Variants in SAMD12 observed in about 807,000 individuals in gnomAD.
The protein encoded by SAMD12 is sterile alpha motif domain-containing protein 12.
In SAMD12, 9 loss-of-function variants were observed where a neutral mutation model predicts 15.0. That is an observed-to-expected ratio of 0.60 (90% CI 0.36 to 1.05). The LOEUF is 1.05. Among genes scored for constraint, SAMD12 ranks in the 50% least tolerant of loss-of-function variants. SAMD12 has a pLI of 0.01. For synonymous variants in SAMD12, 86 were observed against 90.1 expected, an observed-to-expected ratio of 0.96 and a Z score of 0.25; for missense variants, 230 against 234.2, an observed-to-expected ratio of 0.98 and a Z score of 0.12.
intron 3 of SAMD12, among the ~76,000 whole-genome samples, chr8:118,396,788 G>A (rs1176455562): frequency 1.3e-5 from 2 of 152,198 alleles, no homozygotes; most frequent in African/African-American, 4.8e-5. Flanking sequence ...GATTTTTAAA[G>A]TACAGAAACC....
chr8:118,334,476 TC>T (rs1383811829), intron 4 of SAMD12, among the ~76,000 whole-genome samples: 1 of 152,072 alleles, frequency 6.6e-6, no homozygotes, highest in Non-Finnish European at 1.5e-5. Flanking sequence ...TCCCATTCCT[TC>T]CCCCTCTCCT....
chr8:118,169,732 G>GA, the SAMD12 span, among the ~76,000 whole-genome samples: 1 of 151,988 alleles, frequency 6.6e-6, no homozygotes, highest in East Asian at 1.9e-4. Flanking sequence ...TAACGTAATT[G>GA]AAAAATAAAA....
intron 2 of SAMD12, among the ~76,000 whole-genome samples, chr8:118,534,937 C>T (rs1432776266): frequency 6.6e-6 from 1 of 152,212 alleles, no homozygotes; most frequent in African/African-American, 2.4e-5. Flanking sequence ...ATTCTGAAGC[C>T]TTCTTCTCTT....
At chr8:118,549,853 G>C (rs200485183) in intron 2 of SAMD12, among the ~76,000 whole-genome samples, 1 of 152,284 alleles carries the variant, frequency 6.6e-6, no homozygotes, top group African/African-American at 2.4e-5. Context: ...GGAGCTGAAA[G>C]CCAAGGCTCC....
At chr8:118,410,145 T>C (rs1464164522) in intron 3 of SAMD12, among the ~76,000 whole-genome samples, 1 of 152,168 alleles carries the variant, frequency 6.6e-6, no homozygotes, top group African/African-American at 2.4e-5. Context: ...TGATAAAGAG[T>C]ATATCTAAGG....
intron 2 of SAMD12, among the ~76,000 whole-genome samples, chr8:118,499,446 C>T (rs1824715610): frequency 6.6e-6 from 1 of 152,152 alleles, no homozygotes; most frequent in Non-Finnish European, 1.5e-5. Context: ...TTTCCAGCTC[C>T]AAGACTTATT....
chr8:118,177,068 G>A, the SAMD12 span, among the ~76,000 whole-genome samples: 1 of 152,146 alleles, frequency 6.6e-6, no homozygotes, highest in African/African-American at 2.4e-5. Flanking sequence ...TCCCAAGATG[G>A]GAATGAGTGG....
At chr8:118,462,556 A>G (rs1823455508) in intron 2 of SAMD12, among the ~76,000 whole-genome samples, 1 of 152,120 alleles carries the variant, frequency 6.6e-6, no homozygotes, top group East Asian at 1.9e-4. Flanking sequence ...GTCTGTTCAT[A>G]TATCCATCCA....
chr8:118,330,620 C>A (rs1816765416), intron 4 of SAMD12, among the ~76,000 whole-genome samples: 1 of 152,136 alleles, frequency 6.6e-6, no homozygotes, highest in Non-Finnish European at 1.5e-5. Flanking sequence ...AAACCACAAA[C>A]TTGCTGAAAG....
intron 4 of SAMD12, among the ~76,000 whole-genome samples, chr8:118,351,818 G>C (rs1466296397): frequency 6.6e-6 from 1 of 152,172 alleles, no homozygotes; most frequent in Admixed American, 6.5e-5. Context: ...AGTAGACTGA[G>C]AGAAAAGCAG....
chr8:118,594,974 A>G (rs776513401), intron 1 of SAMD12, among the ~76,000 whole-genome samples: 24 of 152,308 alleles, frequency 1.6e-4, no homozygotes, highest in Non-Finnish European at 2.8e-4. Flanking sequence ...AGTCACTACC[A>G]TAAAGTTAGA....
Position 118,457,217 on chromosome 8 carries a change from T to G in SAMD12, c.193-17256A>C, listed in dbSNP as rs543224104. ...CCACTACTGCTACTAACTCTCTCTC[T>G]CTCTCTTTTTTTTTTTTTTTGTTTG... On this transcript the variant is annotated intron_variant, in intron 2 of 3. Coordinates refer to ENST00000314727, the MANE Select transcript of SAMD12 (RefSeq NM_207506.3). Among the ~76,000 whole-genome samples the G allele has an allele frequency of 8.2e-3, 881 of 107,520 alleles. 6 individuals carry two copies. Among genetic ancestry groups the G allele is most frequent in the African/African-American group, 0.021 (740 of 35,066 alleles). The allele number at this position is 107,520 out of a possible 152,430, so 70.5% of individuals were successfully genotyped here. A position where few individuals can be genotyped will look rare whatever the true frequency, so the allele number is the denominator to read the frequency against.
At chr8:118,275,883 T>G (rs777840908) in intron 4 of SAMD12, among the ~76,000 whole-genome samples, 11 of 152,208 alleles carry the variant, frequency 7.2e-5, no homozygotes, top group African/African-American at 2.7e-4. Flanking sequence ...GCAAAGGACA[T>G]GATTTCATTC....
intron 2 of SAMD12, among the ~76,000 whole-genome samples, chr8:118,472,945 A>G (rs1823845252): frequency 6.6e-6 from 1 of 151,344 alleles, no homozygotes; most frequent in Non-Finnish European, 1.5e-5. Flanking sequence ...AGTGCTAGGT[A>G]TTTCCCAGTA....
chr8:118,246,873 C>T (rs1044888851), intron 4 of SAMD12, among the ~76,000 whole-genome samples: 9 of 151,984 alleles, frequency 5.9e-5, no homozygotes, highest in Admixed American at 2.6e-4. Flanking sequence ...GCAGAAACTA[C>T]GTTCATGAGA....
At chr8:118,286,567 A>C (rs577189975) in intron 4 of SAMD12, among the ~76,000 whole-genome samples, 1 of 151,982 alleles carries the variant, frequency 6.6e-6, no homozygotes, top group South Asian at 2.1e-4. Context: ...TTTCTTCGTT[A>C]CCCCTGTGGC....
intron 3 of SAMD12, among the ~76,000 whole-genome samples, chr8:118,409,047 T>C (rs4637873): frequency 0.34 from 52,196 of 151,876 alleles, 9,634 homozygotes; most frequent in African/African-American, 0.41. Flanking sequence ...TACAGGTGCA[T>C]GCCACCATGC....
rs960176782 is a variant in SAMD12 at position 118,440,410 on chromosome 8, G to T, written c.193-449C>A. On this transcript the variant is annotated intron_variant, in intron 2 of 3. Transcript: ENST00000314727. ...AAGTGCTAATAATATTTTTAGGAAC[G>T]AATGTTACTGGATTTAGATAACTGT... is the stretch of plus-strand genomic sequence containing the variant. Among the ~76,000 whole-genome samples, 2 of 152,134 alleles carry T rather than the reference G, an allele frequency of 1.3e-5. 1 individual carries two copies. Among genetic ancestry groups the T allele is most frequent in the Admixed American group, 1.3e-4 (2 of 15,260 alleles).
chr8:118,239,260 T>A (rs1812513121), intron 4 of SAMD12, among the ~76,000 whole-genome samples: 1 of 152,144 alleles, frequency 6.6e-6, no homozygotes, highest in African/African-American at 2.4e-5. Context: ...TTGCTGAGTA[T>A]CTTCTCTTTG....
Sources: gnomAD v4.1 joint callset for allele counts (sites outside exome capture counted in the v4.1 genomes callset) on GRCh38, gnomAD v4.1.1 for gene constraint, MANE v1.5 for transcripts, NCBI Gene and HGNC (gene_info 2026-07-23, HGNC 2026-07-21) for gene names.